Variants in THSD4 observed in about 807,000 individuals in gnomAD.
THSD4 encodes thrombospondin type-1 domain-containing protein 4.
Under a neutral mutation model 119.0 loss-of-function variants are expected in THSD4, and 69 were observed. The observed-to-expected ratio is 0.58, with a 90% confidence interval of 0.48 to 0.71. The LOEUF (loss-of-function observed/expected upper bound fraction) is 0.71. Among genes scored for constraint, THSD4 ranks in the 30% least tolerant of loss-of-function variants. The pLI is 0.00. For missense variants in THSD4, 1,393 were observed against 1,391.1 expected (o/e 1.00, Z -0.02); for synonymous variants, 524 against 540.4 (o/e 0.97, Z 0.42).
chr15:71,264,840 A>T (rs896202539), intron 6 of THSD4, among the ~76,000 whole-genome samples: 2 of 152,144 alleles, frequency 1.3e-5, no homozygotes, highest in African/African-American at 2.4e-5. Flanking sequence ...TATGTTAATA[A>T]AGCTTATTGT....
chr15:71,726,590 G>A (rs945002131), intron 8 of THSD4, among the ~76,000 whole-genome samples: 5 of 152,134 alleles, frequency 3.3e-5, no homozygotes, highest in Non-Finnish European at 5.9e-5. Flanking sequence ...TCTATAAACC[G>A]AAGGTGCAAA....
chr15:71,631,128 G>C (rs997116943), intron 7 of THSD4, among the ~76,000 whole-genome samples: 2 of 152,224 alleles, frequency 1.3e-5, no homozygotes, highest in African/African-American at 4.8e-5. Context: ...AAGAGGCACA[G>C]TCTGGGTGCC....
At chr15:71,720,033 T>TTC (rs1555445415) in intron 8 of THSD4, among the ~76,000 whole-genome samples, 2,333 of 86,226 alleles carry the variant, frequency 0.027, 53 homozygotes, top group African/African-American at 0.071. Context: ...TTTTTTTTTT[T>TTC]TTCTTTTTTT....
Position 71,762,595 on chromosome 15 carries a change from C to T in THSD4, c.2590-2425C>T, listed in dbSNP as rs2723348. ...TTCCACCCCTGCCGCCCACCCCTGC[C>T]CCATCCTCATTCCTCCTGCAGGAGA... On this transcript the variant is annotated intron_variant, in intron 15 of 17. Coordinates refer to ENST00000261862, the MANE Select transcript of THSD4 (RefSeq NM_024817.3). 8.4e-3 allele frequency among the ~76,000 whole-genome samples: 1,273 copies of T among 152,360 alleles called. 32 individuals carry two copies. Among genetic ancestry groups the T allele is most frequent in the East Asian group, 0.045 (234 of 5,190 alleles).
rs185288285 is a variant in THSD4, at chr15:71,584,450, G to A, written c.1153-76080G>A. ...TGCCCAGCTAATTTTTGTATTTTTAGTAGAGACAGGGTTTTGCCACATTGG... is the reference window on the plus strand; with the variant it reads ...TGCCCAGCTAATTTTTGTATTTTTAATAGAGACAGGGTTTTGCCACATTGG... On this transcript the variant is annotated intron_variant, in intron 7 of 17. Coordinates refer to ENST00000261862, the MANE Select transcript of THSD4 (RefSeq NM_024817.3). Among the ~76,000 whole-genome samples the A allele has an allele frequency of 4.3e-3, 600 of 140,960 alleles. 5 individuals carry two copies. Among genetic ancestry groups the A allele is most frequent in the Non-Finnish European group, 5.4e-3 (337 of 62,760 alleles). The allele number at this position is 140,960 out of a possible 152,430, so 92.5% of individuals were successfully genotyped here.
At position 71,747,650 on chromosome 15, in the gene THSD4, G is replaced by A. The variant is rs149897700; in HGVS notation, c.2241+608G>A. On this transcript the variant is annotated intron_variant, in intron 13 of 17. Transcript: ENST00000261862. ...GTTGCAATCACTGGCTACAGATGAC[G>A]ACATACAGGCTAAAATGTTTTAAGT... is the stretch of plus-strand genomic sequence containing the variant. Among the ~76,000 whole-genome samples the A allele has an allele frequency of 7.2e-4, 109 of 151,928 alleles. No individual in the cohort carries two copies. In the East Asian group the frequency reaches 0.013, roughly 19 times the overall value.
chr15:71,355,828 TA>T (rs1596361946), intron 6 of THSD4, among the ~76,000 whole-genome samples: 1 of 151,866 alleles, frequency 6.6e-6, no homozygotes, highest in East Asian at 1.9e-4. Context: ...AGTCTTAGAG[TA>T]ACTCTTTTCC....
chr15:71,381,666 T>G (rs1187857329), intron 6 of THSD4, among the ~76,000 whole-genome samples: 2 of 152,168 alleles, frequency 1.3e-5, no homozygotes, highest in East Asian at 3.8e-4. Context: ...AAAAATCTAA[T>G]GAGAATTCAT....
intron 1 of THSD4, among the ~76,000 whole-genome samples, chr15:71,117,243 C>A (rs564217333): frequency 1.3e-5 from 2 of 152,268 alleles, no homozygotes; most frequent in South Asian, 4.1e-4. Flanking sequence ...GTCTCCTATG[C>A]CATAAAGAAA....
intron 3 of THSD4, among the ~76,000 whole-genome samples, chr15:71,207,227 C>T (rs1454331184): frequency 6.6e-6 from 1 of 152,168 alleles, no homozygotes; most frequent in African/African-American, 2.4e-5. Context: ...CTCTCCTGTT[C>T]TTCTCAAAGC....
chr15:71,538,438 C>T (rs187980475), intron 7 of THSD4, among the ~76,000 whole-genome samples: 4 of 152,314 alleles, frequency 2.6e-5, no homozygotes, highest in East Asian at 1.9e-4. Context: ...TCTCTTCTGT[C>T]GCTGGTTGTT....
intron 6 of THSD4, among the ~76,000 whole-genome samples, chr15:71,362,590 TTAAGG>T (rs767362409): frequency 1.2e-4 from 18 of 152,014 alleles, no homozygotes; most frequent in South Asian, 8.3e-4. Context: ...TTAAAGTGAG[TTAAGG>T]TAAGCACATA....
chr15:71,716,963 T>C (rs1274857184), intron 8 of THSD4, among the ~76,000 whole-genome samples: 3 of 152,216 alleles, frequency 2.0e-5, no homozygotes, highest in Non-Finnish European at 4.4e-5. Flanking sequence ...AAAAGCTGAA[T>C]TCTGACCCCA....
chr15:71,720,151 A>G (rs530235185), intron 8 of THSD4, among the ~76,000 whole-genome samples: 1 of 150,854 alleles, frequency 6.6e-6, no homozygotes, highest in Admixed American at 6.6e-5. Flanking sequence ...CCTGGACTCA[A>G]GGGATCCTCT....
At chr15:71,690,021 G>A (rs1468454370) in intron 8 of THSD4, among the ~76,000 whole-genome samples, 1 of 152,192 alleles carries the variant, frequency 6.6e-6, no homozygotes, top group Non-Finnish European at 1.5e-5. Flanking sequence ...ATGAAATAGA[G>A]TAAATGCCCC....
intron 4 of THSD4, among the ~76,000 whole-genome samples, chr15:71,235,030 C>T (rs2044092607): frequency 6.6e-6 from 1 of 152,124 alleles, no homozygotes; most frequent in South Asian, 2.1e-4. Context: ...CTATAAAAAC[C>T]TTTTTAAAAG....
intron 5 of THSD4, among the ~76,000 whole-genome samples, chr15:71,246,886 CTTT>C (rs67700872): frequency 1.0e-4 from 12 of 114,466 alleles, no homozygotes; most frequent in East Asian, 2.5e-4. Flanking sequence ...GGTCCAAAGT[CTTT>C]TTTTTTTTTT....
intron 6 of THSD4, among the ~76,000 whole-genome samples, chr15:71,293,299 G>A (rs1430351392): frequency 6.6e-6 from 1 of 152,150 alleles, no homozygotes; most frequent in Non-Finnish European, 1.5e-5. Context: ...CTCTCAGGTG[G>A]TTGGTTTTCT....
At chr15:71,464,657 A>C (rs912867004) in intron 7 of THSD4, among the ~76,000 whole-genome samples, 2 of 152,164 alleles carry the variant, frequency 1.3e-5, no homozygotes, top group Non-Finnish European at 2.9e-5. Flanking sequence ...TTTCTCACTC[A>C]TCATCTCACC....
Sources: gnomAD v4.1 joint callset for allele counts (sites outside exome capture counted in the v4.1 genomes callset) on GRCh38, gnomAD v4.1.1 for gene constraint, MANE v1.5 for transcripts, NCBI Gene and HGNC (gene_info 2026-07-23, HGNC 2026-07-21) for gene names.